The following NEK5 variants were observed in gnomAD, a reference collection of about 807,000 sequenced individuals.
NEK5 encodes the protein serine/threonine-protein kinase Nek5.
Under a neutral mutation model 109.2 loss-of-function variants are expected in NEK5, and 88 were observed. The ratio of observed to expected loss-of-function variants is 0.81; its 90% CI spans 0.68 to 0.96. NEK5 has a LOEUF of 0.96. Ranked by LOEUF, NEK5 falls within the 40% of genes least tolerant of loss-of-function variation. NEK5 has a pLI of 0.00. For missense variants in NEK5, 834 were observed against 920.7 expected, an observed-to-expected ratio of 0.91 and a Z score of 1.22; for synonymous variants, 283 against 299.9, an observed-to-expected ratio of 0.94 and a Z score of 0.58.
rs191881290 is a variant in NEK5, at chr13:52,046,297, C to A, written c.2228+3807G>T. 3.3e-3 allele frequency among the ~76,000 whole-genome samples: 473 copies of A among 144,946 alleles called. 3 individuals are homozygous for A. The highest frequency in any genetic ancestry group is 0.011 in the African/African-American group (449 of 39,188). On this transcript the variant is annotated intron_variant, in intron 23 of 23. Coordinates refer to ENST00000684899, the MANE Select transcript of NEK5 (RefSeq NM_001365552.1). ...TTCAAGACCAGCCTGGGCAACACGG[C>A]AAGACCCTGTCTCTACAAAAAAAAA...
intron 4 of NEK5, among the ~76,000 whole-genome samples, chr13:52,113,725 T>C (rs960200881): frequency 2.0e-5 from 3 of 152,170 alleles, no homozygotes; most frequent in African/African-American, 4.8e-5. Context: ...CCAAATGTCT[T>C]TGTCTTCCCC....
rs1355705834 is a variant in NEK5, at chr13:52,101,971, C to A, written c.854G>T (p.Gly285Val). Residue 285 changes from glycine (G) to valine (V), a missense_variant, in exon 11 of 24, where the codon GGA becomes GTA. Transcript: ENST00000684899. Reference sequence around the variant, plus strand: ...CCCAGCATGTCGAGAAGCTGGCGCTCCTGCTCTGCATATAAGCATGTGACT... The same window carrying A: ...CCCAGCATGTCGAGAAGCTGGCGCTACTGCTCTGCATATAAGCATGTGACT... ...EFSHMLICRA[G>V]APASRHAGKV... The A allele has an allele frequency of 3.7e-6, 6 of 1,614,018 alleles. No individual in the cohort carries two copies. Among genetic ancestry groups the A allele is most frequent in the African/African-American group, 1.3e-5 (1 of 74,932 alleles).
chr13:52,055,192 G>C (rs1009339562), intron 22 of NEK5, among the ~76,000 whole-genome samples: 2 of 152,104 alleles, frequency 1.3e-5, no homozygotes, highest in Non-Finnish European at 2.9e-5. Context: ...TGGAAGGAAG[G>C]GTATCAGTGA....
At chr13:52,054,894 C>A (rs1197818247) in intron 22 of NEK5, among the ~76,000 whole-genome samples, 1 of 152,228 alleles carries the variant, frequency 6.6e-6, no homozygotes, top group Non-Finnish European at 1.5e-5. Flanking sequence ...CAGAGCACCT[C>A]TCCTCCTCCA....
intron 12 of NEK5, among the ~76,000 whole-genome samples, chr13:52,095,442 A>G (rs919338440): frequency 6.6e-6 from 1 of 152,220 alleles, no homozygotes; most frequent in Non-Finnish European, 1.5e-5. Flanking sequence ...GTGGAAATCA[A>G]TTTTACCTTT....
chr13:52,095,477 G>A (rs993831087), intron 12 of NEK5, among the ~76,000 whole-genome samples: 11 of 152,342 alleles, frequency 7.2e-5, no homozygotes, highest in South Asian at 4.1e-4. Context: ...AAATGTCAGC[G>A]TGTTCAACAG....
chr13:52,128,195 C>CTT (rs529213951), intron 1 of NEK5, among the ~76,000 whole-genome samples: 1 of 144,900 alleles, frequency 6.9e-6, no homozygotes. Context: ...ATGAACACTT[C>CTT]TTTTTTTTTT....
At chr13:52,067,202 C>T (rs953561061) in intron 20 of NEK5, among the ~76,000 whole-genome samples, 6 of 152,034 alleles carry the variant, frequency 3.9e-5, no homozygotes, top group African/African-American at 1.2e-4. Context: ...TAAGAAGCTC[C>T]AGGATTCTCC....
At chr13:52,059,714 A>G (rs1368641747) in intron 22 of NEK5, among the ~76,000 whole-genome samples, 1 of 152,002 alleles carries the variant, frequency 6.6e-6, no homozygotes, top group Non-Finnish European at 1.5e-5. Flanking sequence ...ACAAAAAACC[A>G]AACACCGCAT....
chr13:52,081,456 G>T lies in NEK5; in HGVS notation c.1572+1804C>A, dbSNP rs75554375. ...GGATCCTCGGCCTCCTAAATAGCTG[G>T]AACTATAGTCTCGTGCCACCATTTC... On this transcript the variant is annotated intron_variant, in intron 17 of 23. Coordinates refer to ENST00000684899, the MANE Select transcript of NEK5 (RefSeq NM_001365552.1). Among the ~76,000 whole-genome samples the T allele has an allele frequency of 5.8e-3, 887 of 152,170 alleles. 6 individuals carry two copies. The highest frequency in any genetic ancestry group is 0.019 in the African/African-American group (791 of 41,510).
At chr13:52,059,745 A>C (rs1954594433) in intron 22 of NEK5, among the ~76,000 whole-genome samples, 1 of 149,950 alleles carries the variant, frequency 6.7e-6, no homozygotes, top group Non-Finnish European at 1.5e-5. Flanking sequence ...ATAGGTGGGA[A>C]TTGAACAATA....
chr13:52,128,018 T>C (rs967277481), intron 1 of NEK5, among the ~76,000 whole-genome samples: 1 of 152,114 alleles, frequency 6.6e-6, no homozygotes, highest in African/African-American at 2.4e-5. Flanking sequence ...GGGCCTGAGA[T>C]GGTAGGATTC....
intron 22 of NEK5, among the ~76,000 whole-genome samples, chr13:52,054,181 G>A (rs966034413): frequency 6.6e-6 from 1 of 152,146 alleles, no homozygotes; most frequent in African/African-American, 2.4e-5. Flanking sequence ...CTTTTGCTTT[G>A]GTGGTGACTG....
intron 23 of NEK5, among the ~76,000 whole-genome samples, chr13:52,037,880 G>A (rs1217993273): frequency 7.4e-5 from 11 of 148,518 alleles, no homozygotes; most frequent in South Asian, 4.3e-4. Context: ...CCGAGATCGC[G>A]CCACTGCACT....
At chr13:52,120,756 C>CA (rs1955951913) in intron 3 of NEK5, among the ~76,000 whole-genome samples, 3 of 151,876 alleles carry the variant, frequency 2.0e-5, no homozygotes, top group South Asian at 4.2e-4. Context: ...ACTAAAAACA[C>CA]AAAAAATTAG....
chr13:52,082,594 A>C (rs1955037298), intron 17 of NEK5, among the ~76,000 whole-genome samples: 1 of 152,136 alleles, frequency 6.6e-6, no homozygotes, highest in Non-Finnish European at 1.5e-5. Flanking sequence ...CTCTCTTGAG[A>C]TTTATTTGTT....
chr13:52,110,516 A>G lies in NEK5; in HGVS notation c.374T>C (p.Leu125Ser). 6.2e-7 allele frequency: 1 copy of G among 1,612,460 alleles called. No homozygotes were observed. Among genetic ancestry groups the G allele is most frequent in the Non-Finnish European group, 8.5e-7 (1 of 1,178,630 alleles). The stretch of plus-strand genomic sequence containing the variant: ...TACCTGAGCTTTTATGTCCCTGTGT[A>G]ATATCTTCCTGTCATGAATATGTTT... ...GLKHIHDRKI[L>S]HRDIKAQNIF... is the part of the protein sequence containing the mutation. The change falls in exon 6 of 24, where the codon TTA becomes TCA. Residue 125 changes from leucine to serine, a missense_variant. Coordinates refer to ENST00000684899, the MANE Select transcript of NEK5 (RefSeq NM_001365552.1).
At chr13:52,077,055 G>A (rs1593942844) in intron 17 of NEK5, among the ~76,000 whole-genome samples, 1 of 152,172 alleles carries the variant, frequency 6.6e-6, no homozygotes, top group African/African-American at 2.4e-5. Flanking sequence ...AGCTTATCTG[G>A]CAATCAATTT....
intron 12 of NEK5, among the ~76,000 whole-genome samples, chr13:52,097,931 C>T (rs1955451161): frequency 6.6e-6 from 1 of 152,116 alleles, no homozygotes; most frequent in South Asian, 2.1e-4. Context: ...AGATTTCCCT[C>T]TTACTGTTCT....
Sources: gnomAD v4.1 joint callset for allele counts (sites outside exome capture counted in the v4.1 genomes callset) on GRCh38, gnomAD v4.1.1 for gene constraint, MANE v1.5 for transcripts, NCBI Gene and HGNC (gene_info 2026-07-23, HGNC 2026-07-21) for gene names.